The following MOCS1 variants were observed in gnomAD, a reference collection of about 807,000 sequenced individuals.
MOCS1 encodes the protein molybdenum cofactor biosynthesis protein 1.
In MOCS1, 39 loss-of-function variants were observed where a neutral mutation model predicts 57.6. The observed-to-expected ratio is 0.68, with a 90% confidence interval of 0.52 to 0.88. MOCS1 has a LOEUF of 0.88. Among genes scored for constraint, MOCS1 ranks in the 40% least tolerant of loss-of-function variants. The pLI is 0.00. For synonymous variants in MOCS1, 334 were observed against 335.7 expected, an observed-to-expected ratio of 1.00 and a Z score of 0.05; for missense variants, 795 against 831.1, an observed-to-expected ratio of 0.96 and a Z score of 0.53.
chr6:39,934,258 C>G, intron 1 of MOCS1, 37 bp downstream of exon 1: 1 of 1,512,862 alleles, frequency 6.6e-7, no homozygotes, highest in African/African-American at 1.4e-5. Flanking sequence ...GCCACTCCTG[C>G]CCCGGGAAGC....
intron 8 of MOCS1, 151 bp from the exon 9 acceptor site, chr6:39,910,106 G>A (rs1767235155): frequency 1.7e-6 from 2 of 1,173,696 alleles, no homozygotes; most frequent in Non-Finnish European, 2.5e-6. Flanking sequence ...GAGAGACAGA[G>A]GTGCTGTAGG....
intron 1 of MOCS1, among the ~76,000 whole-genome samples, chr6:39,929,228 G>C (rs1768516337): frequency 6.6e-6 from 1 of 152,098 alleles, no homozygotes; most frequent in African/African-American, 2.4e-5. Flanking sequence ...TTCTCTAACT[G>C]CCGTCTGCTA....
chr6:39,925,940 G>T (rs1358649549), intron 2 of MOCS1, 95 bp from the exon 3 acceptor site: 7 of 1,393,440 alleles, frequency 5.0e-6, no homozygotes, highest in Non-Finnish European at 6.8e-6. Flanking sequence ...CAGGCCAAAG[G>T]CTTCTCAAAC....
At chr6:39,923,204 G>A (rs964213012) in intron 3 of MOCS1, among the ~76,000 whole-genome samples, 2 of 152,160 alleles carry the variant, frequency 1.3e-5, no homozygotes, top group Admixed American at 6.5e-5. Flanking sequence ...TCCATGTGGC[G>A]ATCACCCCTT....
intron 1 of MOCS1, chr6:39,932,234 G>T (rs1190281064): frequency 6.6e-6 from 1 of 152,282 alleles, no homozygotes; most frequent in Non-Finnish European, 1.5e-5. Flanking sequence ...GCAAGAAGGG[G>T]TTCAAGGTGT....
chr6:39,920,969 C>T (rs1421187506), intron 3 of MOCS1, among the ~76,000 whole-genome samples: 35 of 144,078 alleles, frequency 2.4e-4, no homozygotes, highest in East Asian at 4.3e-4. Context: ...GAGCTAGATC[C>T]GGTCTCCCAA....
intron 1 of MOCS1, among the ~76,000 whole-genome samples, chr6:39,930,540 T>A (rs3008823): frequency 0.37 from 55,464 of 151,786 alleles, 10,275 homozygotes; most frequent in South Asian, 0.48. Flanking sequence ...ATGGGGGTAA[T>A]CATTTCCCGG....
rs1370595330 is a variant in MOCS1 at position 39,905,829 on chromosome 6, A to G, written c.*528T>C. 2.2e-6 allele frequency: 1 copy of G among 454,502 alleles called. No individual in the cohort carries two copies. The highest frequency in any genetic ancestry group is 2.4e-5 in the African/African-American group (1 of 41,310). 28.2% of individuals were successfully genotyped at this position (454,502 alleles called of 1,614,324 possible). Reference sequence around the variant, plus strand: ...GAAGGAGAGATGAAGTCAGGACAGGACAGGACAGGGCAGGGCTGCGGCTTC... The same window carrying G: ...GAAGGAGAGATGAAGTCAGGACAGGGCAGGACAGGGCAGGGCTGCGGCTTC... On this transcript the variant is annotated 3_prime_UTR_variant, in exon 11 of 11. Transcript: ENST00000340692.
intron 3 of MOCS1, among the ~76,000 whole-genome samples, chr6:39,917,742 A>G (rs915531689): frequency 6.6e-6 from 1 of 152,250 alleles, no homozygotes; most frequent in African/African-American, 2.4e-5. Context: ...AGCAGAGGGA[A>G]TATCCTTATT....
chr6:39,929,419 C>T (rs990619092), intron 1 of MOCS1, among the ~76,000 whole-genome samples: 6 of 152,032 alleles, frequency 3.9e-5, no homozygotes, highest in African/African-American at 9.7e-5. Flanking sequence ...CAGTGCTGTG[C>T]CCTCTTTTTC....
Position 39,905,463 on chromosome 6 carries a change from T to C in MOCS1, c.*894A>G, listed in dbSNP as rs1703495106. 1 of 471,030 alleles carries C rather than the reference T, an allele frequency of 2.1e-6. No individual in the cohort carries two copies. The highest frequency in any genetic ancestry group is 4.4e-6 in the Non-Finnish European group (1 of 227,072). 29.2% of individuals were successfully genotyped at this position (471,030 alleles called of 1,614,324 possible). A position where few individuals can be genotyped will look rare whatever the true frequency, so the allele number is the denominator to read the frequency against. On this transcript the variant is annotated 3_prime_UTR_variant, in exon 11 of 11. Transcript: ENST00000340692. ...GATTGATTGATTGATAGGTGCAGCC[T>C]TCCCTGTGAAACTGCAGCAGCTCAG...
In MOCS1 at chr6:39,904,753, C is replaced by T. The variant is rs1278073030; in HGVS notation, c.*1604G>A. 4.4e-6 allele frequency: 2 copies of T among 454,024 alleles called. No individual in the cohort carries two copies. Among genetic ancestry groups the T allele is most frequent in the Non-Finnish European group, 8.8e-6 (2 of 226,812 alleles). 28.1% of individuals were successfully genotyped at this position (454,024 alleles called of 1,614,324 possible). ...CGCCAAGGCTGTTCTCACCAGCTGC[C>T]TCAGATGACAAATGAGGCTAATGGA... On this transcript the variant is annotated 3_prime_UTR_variant, in exon 11 of 11. Transcript: ENST00000340692.
Position 39,909,912 on chromosome 6 carries a change from A to T in MOCS1, c.1025T>A (p.Leu342Gln). Reference protein sequence around the residue: ...GNSEVSLRDHLRAGASEQELL... With the variant: ...GNSEVSLRDHQRAGASEQELL... ...CTCCTGCTCAGAGGCCCCAGCTCGC[A>T]GGTGATCCCGCAGGGATACCTCAGA... The change falls in exon 9 of 11, where the codon CTG (leucine) becomes CAG (glutamine). Residue 342 changes from leucine (L) to glutamine (Q), a missense_variant. Leu to Gln is a moderately radical substitution (Grantham distance 113). This residue lies in a region of MOCS1 where 374 missense variants were observed against 422.6 expected (regional missense o/e 0.89). Transcript: ENST00000340692. 1 of 1,613,876 alleles carries T rather than the reference A, an allele frequency of 6.2e-7. No homozygotes were observed. Among genetic ancestry groups the T allele is most frequent in the Non-Finnish European group, 8.5e-7 (1 of 1,180,012 alleles).
At chr6:39,913,542 C>T in intron 5 of MOCS1, 114 bp from the exon 6 acceptor site, 1 of 1,002,434 alleles carries the variant, frequency 1.0e-6, no homozygotes, top group East Asian at 2.5e-5. Context: ...CCATTCCTTG[C>T]TTCTCCCACT....
chr6:39,932,058 G>A (rs1170157586), intron 1 of MOCS1, among the ~76,000 whole-genome samples: 1 of 151,898 alleles, frequency 6.6e-6, no homozygotes, highest in Admixed American at 6.6e-5. Flanking sequence ...CCCCCTTTCC[G>A]CAATCCTCAC....
chr6:39,911,950 C>A (rs1239750849), intron 8 of MOCS1, among the ~76,000 whole-genome samples: 1 of 152,180 alleles, frequency 6.6e-6, no homozygotes, highest in African/African-American at 2.4e-5. Context: ...AAGGGGCTAA[C>A]CATGGCGGGG....
At position 39,905,408 on chromosome 6, in the gene MOCS1, C is replaced by CT. The variant is rs1766816084; in HGVS notation, c.*948_*949insA. ...CCTTTCCAGGTCCCTCCTCTTCTTC[C>CT]CTCAGGGAACTGTGTCTTGGGATAG... is the stretch of plus-strand genomic sequence containing the variant. On this transcript the variant is annotated 3_prime_UTR_variant, in exon 11 of 11. Coordinates refer to ENST00000340692, the MANE Select transcript of MOCS1 (RefSeq NM_001358530.2). 2.1e-6 allele frequency: 1 copy of CT among 469,220 alleles called. No individual in the cohort carries two copies. The highest frequency in any genetic ancestry group is 2.0e-5 in the African/African-American group (1 of 49,986). The allele number at this position is 469,220 out of a possible 1,614,324, so 29.1% of individuals were successfully genotyped here.
At chr6:39,912,443 C>T in intron 7 of MOCS1, 69 bp from the exon 8 acceptor site, 2 of 1,119,312 alleles carry the variant, frequency 1.8e-6, no homozygotes, top group South Asian at 2.5e-5. Context: ...TTTCTCACTC[C>T]ATGACATCAG....
chr6:39,927,089 A>G, intron 2 of MOCS1: 1 of 518,990 alleles, frequency 1.9e-6, no homozygotes, highest in Non-Finnish European at 3.5e-6. Flanking sequence ...TCTAAATCCA[A>G]CTGCATTTAT....
Sources: gnomAD v4.1 joint callset for allele counts (sites outside exome capture counted in the v4.1 genomes callset) on GRCh38, gnomAD v4.1.1 for gene constraint, gnomAD v4.1.1 regional missense constraint, MANE v1.5 for transcripts, NCBI Gene and HGNC (gene_info 2026-07-23, HGNC 2026-07-21) for gene names.